Variants in CPSF2 observed in about 807,000 individuals in gnomAD.
The protein encoded by CPSF2 is cleavage and polyadenylation specificity factor subunit 2.
CPSF2 carries 51 observed loss-of-function variants against 84.2 expected under a neutral mutation model. The ratio of observed to expected loss-of-function variants is 0.61; its 90% CI spans 0.48 to 0.77. CPSF2 has a LOEUF of 0.77. Among genes scored for constraint, CPSF2 ranks in the 30% least tolerant of loss-of-function variants. CPSF2 has a pLI of 0.00. For synonymous variants in CPSF2, 286 were observed against 311.9 expected (o/e 0.92, Z 0.87); for missense variants, 641 against 929.4 (o/e 0.69, Z 4.03).
At chr14:92,134,205 T>G in intron 4 of CPSF2, 35 bp downstream of exon 4, 1 of 1,611,366 alleles carries the variant, frequency 6.2e-7, no homozygotes, top group South Asian at 1.1e-5. Flanking sequence ...TTGTTAGCAC[T>G]CCTTCAGTGA....
At chr14:92,146,477 C>T (rs1240416712) in intron 9 of CPSF2, among the ~76,000 whole-genome samples, 2 of 152,102 alleles carry the variant, frequency 1.3e-5, no homozygotes, top group Non-Finnish European at 2.9e-5. Flanking sequence ...GCCAGGATCG[C>T]GCCACTGCAC....
chr14:92,149,899 T>C (rs979015802), intron 9 of CPSF2, among the ~76,000 whole-genome samples: 13 of 152,120 alleles, frequency 8.5e-5, no homozygotes, highest in Non-Finnish European at 1.9e-4. Flanking sequence ...TTGTGATCCG[T>C]CTGCCTCAGC....
Position 92,146,320 on chromosome 14 carries a change from G to T in CPSF2, c.1140+3026G>T, listed in dbSNP as rs570847730. Among the ~76,000 whole-genome samples, 8 of 152,302 alleles carry T rather than the reference G, an allele frequency of 5.3e-5. No individual in the cohort carries two copies. In the South Asian group the frequency reaches 1.7e-3, roughly 32 times the overall value. Reference sequence around the variant, plus strand: ...GCGGATCACGAGGTCAGGAGTTCGAGACCAGCCTGGCCAACAAAGTGAAAC... The same window carrying T: ...GCGGATCACGAGGTCAGGAGTTCGATACCAGCCTGGCCAACAAAGTGAAAC... On this transcript the variant is annotated intron_variant, in intron 9 of 15. Coordinates refer to ENST00000298875, the MANE Select transcript of CPSF2 (RefSeq NM_017437.3).
intron 2 of CPSF2, among the ~76,000 whole-genome samples, chr14:92,126,680 G>A (rs1246811131): frequency 2.6e-5 from 4 of 151,956 alleles, no homozygotes; most frequent in Admixed American, 2.0e-4. Flanking sequence ...GTGCGTGCCC[G>A]TAGTCCCAGC....
chr14:92,151,926 C>T (rs1346350105), intron 9 of CPSF2, among the ~76,000 whole-genome samples: 1 of 150,282 alleles, frequency 6.7e-6, no homozygotes, highest in East Asian at 2.0e-4. Flanking sequence ...GTGGGAGGAT[C>T]GCTTGAGGCT....
intron 12 of CPSF2, 27 bp downstream of exon 12, chr14:92,156,658 ATAGAT>A (rs1386297301): frequency 8.3e-6 from 12 of 1,446,432 alleles, no homozygotes; most frequent in Non-Finnish European, 1.1e-5. Context: ...CATTTTGAAA[ATAGAT>A]TATAAGATAA....
chr14:92,158,905 A>G, intron 13 of CPSF2, 78 bp from the exon 14 acceptor site: 1 of 1,306,806 alleles, frequency 7.7e-7, no homozygotes, highest in Non-Finnish European at 1.0e-6. Flanking sequence ...AGAGGTAGAA[A>G]ATGATAATAG....
intron 2 of CPSF2, among the ~76,000 whole-genome samples, chr14:92,126,474 G>A (rs759562915): frequency 1.3e-5 from 2 of 152,076 alleles, no homozygotes; most frequent in Non-Finnish European, 2.9e-5. Flanking sequence ...ATTTATAAAC[G>A]TTTTTCATCA....
chr14:92,156,443 CT>C lies in CPSF2; in HGVS notation c.1443-31del, dbSNP rs771490470. 7 of 1,587,610 alleles carry C rather than the reference CT, an allele frequency of 4.4e-6. No homozygotes were observed. The East Asian group carries it at 1.6e-4, about 36-fold the overall frequency. ...ATATATGTTATGTAGTATTAGCTTG[CT>C]TTTTACTGCTTCTAATTAGAGACTT... On this transcript the variant is annotated intron_variant, in intron 11 of 15. Transcript: ENST00000298875.
chr14:92,131,285 T>G, intron 3 of CPSF2, 152 bp downstream of exon 3: 1 of 564,398 alleles, frequency 1.8e-6, no homozygotes. Flanking sequence ...TAGTGACATT[T>G]TAACTTGTAA....
chr14:92,135,410 T>C lies in CPSF2; in HGVS notation c.459T>C (p.His153=). 6.2e-7 allele frequency: 1 copy of C among 1,613,810 alleles called. No homozygotes were observed. Among genetic ancestry groups the C allele is most frequent in the Non-Finnish European group, 8.5e-7 (1 of 1,179,800 alleles). Residue 153 remains histidine (H), a synonymous_variant, in exon 6 of 16, where the codon CAT becomes CAC. Transcript: ENST00000298875. ...CTATCACACCTCTGCCAGCTGGTCA[T>C]ATGATAGGTGGAACAATATGGAAAA... The part of the protein sequence containing the change: ...GLSITPLPAG[H]MIGGTIWKIV...
rs1001090160 is a variant in CPSF2, at chr14:92,170,322, G to C, written c.*8578G>C. ...ATTTTCCATACCACTCTCTAGCTAT[G>C]TATTCACATTATTTTTTGAACTGTT... On this transcript the variant is annotated 3_prime_UTR_variant, in exon 16 of 16. Transcript: ENST00000298875. 2 of 152,074 alleles carry C rather than the reference G, an allele frequency of 1.3e-5. No homozygotes were observed. The highest frequency in any genetic ancestry group is 2.9e-5 in the Non-Finnish European group (2 of 68,012). 9.4% of individuals were successfully genotyped at this position (152,074 alleles called of 1,614,324 possible).
chr14:92,133,920 C>T (rs2068967075), intron 3 of CPSF2, 91 bp from the exon 4 acceptor site: 14 of 1,365,820 alleles, frequency 1.0e-5, no homozygotes, highest in African/African-American at 2.9e-5. Context: ...CCAGTGTAGT[C>T]TTCAATCCAG....
In CPSF2 at chr14:92,143,053, A is replaced by G. The variant is rs201331906; in HGVS notation, c.899A>G (p.Asn300Ser). The change falls in exon 9 of 16, where the codon AAT (asparagine) becomes AGT (serine). Residue 300 changes from asparagine (N) to serine (S), a missense_variant. Asn to Ser is a conservative substitution (Grantham distance 46). Around this residue, in one of 2 missense-constraint regions of CPSF2, gnomAD observed 211 missense variants for 375.7 expected, o/e 0.56. Coordinates refer to ENST00000298875, the MANE Select transcript of CPSF2 (RefSeq NM_017437.3). ...ATGAGATGTTTTGAAGACAAAAGAAATAATCCGTTTCAGTTTCGCCATCTC... is the reference window on the plus strand; with the variant it reads ...ATGAGATGTTTTGAAGACAAAAGAAGTAATCCGTTTCAGTTTCGCCATCTC... ...KLMRCFEDKR[N>S]NPFQFRHLSL... 985 of 1,614,026 alleles carry G rather than the reference A, an allele frequency of 6.1e-4. 1 individual carries two copies. The highest frequency in any genetic ancestry group is 7.7e-4 in the Non-Finnish European group (912 of 1,179,920).
At chr14:92,151,373 C>T (rs2069213272) in intron 9 of CPSF2, among the ~76,000 whole-genome samples, 1 of 150,044 alleles carries the variant, frequency 6.7e-6, no homozygotes, top group South Asian at 2.1e-4. Flanking sequence ...TCGTAGGCAA[C>T]AGAGTGAGAC....
intron 6 of CPSF2, among the ~76,000 whole-genome samples, chr14:92,136,712 G>A (rs1389358189): frequency 1.3e-5 from 2 of 152,150 alleles, no homozygotes; most frequent in Non-Finnish European, 1.5e-5. Context: ...TTTGTTTTAA[G>A]TTTTCATTTC....
rs61186732 is a variant in CPSF2, at chr14:92,167,014, C to CTTTTTTTTTTTTTTTTTTT, written c.*5285_*5286insTTTTTTTTTTTTTTTTTTT. The CTTTTTTTTTTTTTTTTTTT allele has an allele frequency of 1.6e-5, 2 of 128,972 alleles. No individual in the cohort carries two copies. The highest frequency in any genetic ancestry group is 1.6e-5 in the Non-Finnish European group (1 of 62,910). 8.0% of individuals were successfully genotyped at this position (128,972 alleles called of 1,614,324 possible). On this transcript the variant is annotated 3_prime_UTR_variant, in exon 16 of 16. Transcript: ENST00000298875. ...TTCTGCTTATCGATTTCTTTTTTTT[C>CTTTTTTTTTTTTTTTTTTT]TTTTTTTTTTTTTTTGAGATAGCAT... is the stretch of plus-strand genomic sequence containing the variant.
At chr14:92,146,121 T>A (rs2069141165) in intron 9 of CPSF2, among the ~76,000 whole-genome samples, 1 of 152,218 alleles carries the variant, frequency 6.6e-6, no homozygotes, top group Admixed American at 6.5e-5. Context: ...GATGAACTTT[T>A]ACAAAAATTG....
intron 9 of CPSF2, among the ~76,000 whole-genome samples, chr14:92,143,896 A>G (rs1378411013): frequency 6.6e-6 from 1 of 152,170 alleles, no homozygotes; most frequent in Non-Finnish European, 1.5e-5. Context: ...GTAAGCATAT[A>G]CAGGGTTTTC....
Sources: gnomAD v4.1 joint callset for allele counts (sites outside exome capture counted in the v4.1 genomes callset) on GRCh38, gnomAD v4.1.1 for gene constraint, gnomAD v4.1.1 regional missense constraint, MANE v1.5 for transcripts, NCBI Gene and HGNC (gene_info 2026-07-23, HGNC 2026-07-21) for gene names.